DBH: variants seen among roughly 807,000 people sequenced by gnomAD.
DBH encodes dopamine beta-hydroxylase (dopamine beta-monooxygenase).
A neutral mutation model predicts 64.0 loss-of-function variants in DBH; 49 were observed. That is an observed-to-expected ratio of 0.77 (90% CI 0.61 to 0.97). The LOEUF (loss-of-function observed/expected upper bound fraction) is 0.97. Among genes scored for constraint, DBH ranks in the 50% least tolerant of loss-of-function variants. DBH has a pLI of 0.00. For missense variants in DBH, 828 were observed against 826.6 expected (o/e 1.00, Z -0.02); for synonymous variants, 343 against 347.1 (o/e 0.99, Z 0.13).
Position 133,643,137 on chromosome 9 carries a change from G to T in DBH, c.745-276G>T, listed in dbSNP as rs3025396. ...CCTCCCACTGGGGCTGCAGGAGCTGGCCCGGCCACAGCCCCATATGCATGA... is the reference window on the plus strand; with the variant it reads ...CCTCCCACTGGGGCTGCAGGAGCTGTCCCGGCCACAGCCCCATATGCATGA... On this transcript the variant is annotated intron_variant, in intron 3 of 11. Transcript: ENST00000393056. The surrounding 1 kb of genome is among the most constrained non-coding windows in gnomAD (Gnocchi z 5.3). Among the ~76,000 whole-genome samples, 560 of 152,250 alleles carry T rather than the reference G, an allele frequency of 3.7e-3. 3 individuals carry two copies. The highest frequency in any genetic ancestry group is 0.013 in the African/African-American group (524 of 41,538).
At chr9:133,649,241 G>T (rs572534353) in intron 6 of DBH, among the ~76,000 whole-genome samples, 2 of 152,204 alleles carry the variant, frequency 1.3e-5, no homozygotes, top group South Asian at 4.2e-4. Flanking sequence ...TGGTTTCTAG[G>T]AGTTCTTCTT....
chr9:133,641,902 G>A (rs764369334), intron 2 of DBH, among the ~76,000 whole-genome samples: 11 of 152,202 alleles, frequency 7.2e-5, no homozygotes, highest in Non-Finnish European at 1.5e-4. Context: ...CAAATGTTCC[G>A]GCCACACTGG....
At chr9:133,653,942 CCTG>C (rs1375562230) in intron 9 of DBH, among the ~76,000 whole-genome samples, 2 of 152,232 alleles carry the variant, frequency 1.3e-5, no homozygotes, top group South Asian at 4.1e-4. Context: ...CAATAATTAT[CCTG>C]TGAATTGTGT....
intron 5 of DBH, among the ~76,000 whole-genome samples, chr9:133,647,497 G>T (rs760158591): frequency 6.6e-6 from 1 of 152,162 alleles, no homozygotes; most frequent in Non-Finnish European, 1.5e-5. Context: ...ACGAGTTTCC[G>T]TCTATCAGCA....
rs1368994812 is a variant in DBH at position 133,636,466 on chromosome 9, T to A, written c.95T>A (p.Ile32Asn). Reference sequence around the variant, plus strand: ...ACAGCAGTGGCCATCTTCCTGGTCATCCTGGTGGCCGCACTGCAGGGCTCG... The same window carrying A: ...ACAGCAGTGGCCATCTTCCTGGTCAACCTGGTGGCCGCACTGCAGGGCTCG... ...YSTAVAIFLVILVAALQGSAP... is the reference protein window; with the variant it reads ...YSTAVAIFLVNLVAALQGSAP... Residue 32 changes from isoleucine to asparagine, a missense_variant, in exon 1 of 12, where the codon ATC (isoleucine) becomes AAC (asparagine). Transcript: ENST00000393056. 4 of 1,612,814 alleles carry A rather than the reference T, an allele frequency of 2.5e-6. No individual in the cohort carries two copies. Among genetic ancestry groups the A allele is most frequent in the African/African-American group, 1.3e-5 (1 of 74,898 alleles).
At position 133,639,731 on chromosome 9, in the gene DBH, C is replaced by T. The variant is rs1832093788; in HGVS notation, c.340-115C>T. 3 of 1,166,234 alleles carry T rather than the reference C, an allele frequency of 2.6e-6. No individual in the cohort carries two copies. The South Asian group carries it at 4.0e-5, about 15-fold the overall frequency. 72.2% of individuals were successfully genotyped at this position (1,166,234 alleles called of 1,614,324 possible). A position where few individuals can be genotyped will look rare whatever the true frequency, so the allele number is the denominator to read the frequency against. ...CAGATCCACAGGGACTGAGGCCCAG[C>T]ATCCCCAGATCAGCTGGCAATGAAT... On this transcript the variant is annotated intron_variant, in intron 1 of 11. Coordinates refer to ENST00000393056, the MANE Select transcript of DBH (RefSeq NM_000787.4).
At chr9:133,647,153 T>C (rs2519154) in intron 5 of DBH, among the ~76,000 whole-genome samples, 66,797 of 152,034 alleles carry the variant, frequency 0.44, 16,005 homozygotes, top group East Asian at 0.91. Flanking sequence ...ACTCAAATTG[T>C]TCCTGAGATG....
chr9:133,640,826 C>T (rs752880722), intron 2 of DBH, among the ~76,000 whole-genome samples: 12 of 152,234 alleles, frequency 7.9e-5, no homozygotes, highest in Admixed American at 1.3e-4. Context: ...GGTCAGGAGG[C>T]AGATGCAGGA....
At chr9:133,656,900 G>A (rs1228828673) in intron 10 of DBH, among the ~76,000 whole-genome samples, 170 bp from the exon 11 acceptor site, 1 of 152,210 alleles carries the variant, frequency 6.6e-6, no homozygotes, top group African/African-American at 2.4e-5. Context: ...GGCCGTTGCC[G>A]GTGAAGGCAG....
chr9:133,651,588 C>A, intron 6 of DBH, 46 bp from the exon 7 acceptor site: 2 of 1,610,970 alleles, frequency 1.2e-6, no homozygotes, highest in Non-Finnish European at 8.5e-7. Flanking sequence ...ACGGGAGGGT[C>A]CCCTCGGGGG....
intron 5 of DBH, among the ~76,000 whole-genome samples, chr9:133,646,633 C>A (rs1478111517): frequency 6.6e-6 from 1 of 151,926 alleles, no homozygotes; most frequent in Non-Finnish European, 1.5e-5. Flanking sequence ...AAGCGATTCT[C>A]CTGCCTCAGC....
intron 6 of DBH, among the ~76,000 whole-genome samples, chr9:133,649,737 C>A (rs1454459515): frequency 6.6e-6 from 1 of 152,246 alleles, no homozygotes; most frequent in Non-Finnish European, 1.5e-5. Context: ...GTAAAAGGCA[C>A]CTTGGCCAGG....
At position 133,644,329 on chromosome 9, in the gene DBH, C is replaced by T. The variant is rs1611127; in HGVS notation, c.1024+9C>T. 0.077 allele frequency: 123,536 copies of T among 1,607,224 alleles called. 5,251 individuals carry two copies. The highest frequency in any genetic ancestry group is 0.12 in the African/African-American group (9,015 of 74,782). On this transcript the variant is annotated intron_variant, in intron 5 of 11. Transcript: ENST00000393056. ...CCCACTGGTGATAGAAGGTAGGCGG[C>T]TCTGCTGCCATCCTCCTCAGAAGCC...
chr9:133,644,688 G>A (rs1832161090), intron 5 of DBH, among the ~76,000 whole-genome samples: 1 of 152,230 alleles, frequency 6.6e-6, no homozygotes, highest in African/African-American at 2.4e-5. Context: ...AGGGAGAGGT[G>A]TGTGCATAAA....
intron 5 of DBH, among the ~76,000 whole-genome samples, chr9:133,645,205 G>A (rs1303288836): frequency 6.6e-6 from 1 of 151,398 alleles, no homozygotes; most frequent in African/African-American, 2.4e-5. Flanking sequence ...AACTTGCTGT[G>A]GGCACGGGGC....
chr9:133,658,391 C>T lies in DBH; in HGVS notation c.1798C>T (p.Gln600Ter). 1 of 1,613,890 alleles carries T rather than the reference C, an allele frequency of 6.2e-7. No homozygotes were observed. The highest frequency in any genetic ancestry group is 8.5e-7 in the Non-Finnish European group (1 of 1,179,892). Residue 600 changes from glutamine (Q) to a stop codon, truncating the protein, a stop_gained, in exon 12 of 12, where the codon CAG becomes TAG. Transcript: ENST00000393056. LOFTEE classifies it low-confidence loss of function (END_TRUNC). The stretch of plus-strand genomic sequence containing the variant: ...GCCCACCCCACAGTGCCCCACCAGC[C>T]AGGGCCGAAGCCCTGCTGGCCCCAC... The part of the protein sequence containing the change: ...EEPTPQCPTS[Q>*]GRSPAGPTVV...
At chr9:133,637,131 G>A (rs886370317) in intron 1 of DBH, among the ~76,000 whole-genome samples, 5 of 152,208 alleles carry the variant, frequency 3.3e-5, no homozygotes, top group Non-Finnish European at 7.3e-5. Flanking sequence ...AGGTGGTGGC[G>A]CGTGGCTGGG....
At chr9:133,641,175 A>G (rs1393844579) in intron 2 of DBH, among the ~76,000 whole-genome samples, 1 of 152,362 alleles carries the variant, frequency 6.6e-6, no homozygotes, top group East Asian at 1.9e-4. Flanking sequence ...GATGCCAAAT[A>G]GACAAATACG....
rs1464987285 is a variant in DBH, at chr9:133,656,176, G to A, written c.1435-347G>A. On this transcript the variant is annotated intron_variant, in intron 9 of 11. Transcript: ENST00000393056. ...CTGGGTGCACTCAGGCTGTGCCACC[G>A]ATGCTGTGGCCACCACGGGGCATCC... The A allele has an allele frequency of 3.2e-5, 11 of 344,476 alleles. 1 individual carries two copies. Among genetic ancestry groups the A allele is most frequent in the Admixed American group, 1.6e-4 (4 of 25,122 alleles). 21.3% of individuals were successfully genotyped at this position (344,476 alleles called of 1,614,324 possible).
Sources: allele counts gnomAD v4.1 joint callset (sites outside exome capture counted in the v4.1 genomes callset), GRCh38; gene constraint gnomAD v4.1.1; non-coding constraint Gnocchi (gnomAD v3.1); transcripts MANE v1.5; gene names NCBI Gene and HGNC (gene_info 2026-07-23, HGNC 2026-07-21).